The following NAV2 variants were observed in gnomAD, a reference collection of about 807,000 sequenced individuals.
NAV2 encodes helicase, APC down-regulated 1.
NAV2 carries 54 observed loss-of-function variants against 223.2 expected under a neutral mutation model. The ratio of observed to expected loss-of-function variants is 0.24; its 90% CI spans 0.19 to 0.30. NAV2 has a LOEUF of 0.30. NAV2 is among the 10% of genes least tolerant of loss of function. NAV2 has a pLI of 1.00. For missense variants in NAV2, 2,806 were observed against 3,147.5 expected (o/e 0.89, Z 2.60); for synonymous variants, 1,279 against 1,239.3 (o/e 1.03, Z -0.67).
chr11:19,474,309 T>C (rs2042053197), intron 1 of NAV2, among the ~76,000 whole-genome samples: 1 of 152,166 alleles, frequency 6.6e-6, no homozygotes, highest in South Asian at 2.1e-4. Flanking sequence ...AAATGAACCA[T>C]AGTGAGGCTG....
intron 1 of NAV2, among the ~76,000 whole-genome samples, chr11:19,667,411 A>G (rs1370033454): frequency 6.6e-6 from 1 of 152,134 alleles, no homozygotes; most frequent in African/African-American, 2.4e-5. Context: ...AAGGTTGGCA[A>G]TTTCTTCAGT....
chr11:20,015,877 T>C (rs1591668792), intron 11 of NAV2, among the ~76,000 whole-genome samples: 2 of 152,200 alleles, frequency 1.3e-5, no homozygotes, highest in East Asian at 3.8e-4. Context: ...CCTGGCCCAC[T>C]AAGTGTCTTA....
intron 11 of NAV2, 125 bp from the exon 12 acceptor site, chr11:20,035,834 C>T (rs1191048953): frequency 5.4e-6 from 6 of 1,101,806 alleles, no homozygotes; most frequent in Non-Finnish European, 6.5e-6. Context: ...GTCAAGAGAG[C>T]TTTGTCCGGG....
At chr11:20,022,942 G>T in intron 11 of NAV2, 2 of 1,331,788 alleles carry the variant, frequency 1.5e-6, no homozygotes, top group South Asian at 3.3e-5. Flanking sequence ...TCCTGGCCTG[G>T]GGAATGGTGA....
intron 1 of NAV2, among the ~76,000 whole-genome samples, chr11:19,670,710 G>A (rs906902043): frequency 2.6e-5 from 4 of 152,208 alleles, no homozygotes; most frequent in Admixed American, 6.5e-5. Flanking sequence ...GCTTTGAAGC[G>A]GCAGCTGGGT....
intron 1 of NAV2, among the ~76,000 whole-genome samples, chr11:19,816,968 CTCTCTGGATCTACT>C (rs1239951903): frequency 6.6e-6 from 1 of 152,086 alleles, no homozygotes; most frequent in Non-Finnish European, 1.5e-5. Context: ...ACCTGGAGCC[CTCTCTGGATCTACT>C]TCTCCCAGAT....
intron 1 of NAV2, among the ~76,000 whole-genome samples, chr11:19,645,094 G>C (rs543238475): frequency 6.6e-6 from 1 of 152,200 alleles, no homozygotes; most frequent in Admixed American, 6.5e-5. Context: ...AGTCCAGTAC[G>C]GGTTTCACCA....
chr11:19,861,383 A>G (rs1391220248), intron 3 of NAV2, among the ~76,000 whole-genome samples: 2 of 152,226 alleles, frequency 1.3e-5, no homozygotes, highest in African/African-American at 4.8e-5. Context: ...CTGTTTCACC[A>G]GGGGCCAACC....
intron 20 of NAV2, 77 bp from the exon 21 acceptor site, chr11:20,068,109 A>G (rs374713809): frequency 1.5e-5 from 19 of 1,253,302 alleles, no homozygotes; most frequent in Non-Finnish European, 1.9e-5. Flanking sequence ...CCATCTGAAT[A>G]TGGTGTTCCC....
chr11:19,920,481 G>A (rs542630018), intron 6 of NAV2, among the ~76,000 whole-genome samples: 3 of 151,988 alleles, frequency 2.0e-5, no homozygotes, highest in Non-Finnish European at 2.9e-5. Context: ...TCAGGACGGG[G>A]TTTCACCATG....
At position 20,082,523 on chromosome 11, in the gene NAV2, G is replaced by T. The variant is rs2060154099; in HGVS notation, c.5326-484G>T. 9.8e-6 allele frequency: 15 copies of T among 1,525,868 alleles called. No homozygotes were observed. The Admixed American group carries it at 2.2e-4, about 22-fold the overall frequency. 94.5% of individuals were successfully genotyped at this position (1,525,868 alleles called of 1,614,324 possible). A position where few individuals can be genotyped will look rare whatever the true frequency, so the allele number is the denominator to read the frequency against. Reference sequence around the variant, plus strand: ...AAGTCCGAAGCTTTCCCTGTCACTGGCTTTCTCTGTTAAAAAATTGTCTTT... The same window carrying T: ...AAGTCCGAAGCTTTCCCTGTCACTGTCTTTCTCTGTTAAAAAATTGTCTTT... On this transcript the variant is annotated intron_variant, in intron 25 of 37. Coordinates refer to ENST00000349880, the MANE Select transcript of NAV2 (RefSeq NM_145117.5).
intron 10 of NAV2, among the ~76,000 whole-genome samples, chr11:19,955,173 G>A (rs1041411388): frequency 2.6e-5 from 4 of 152,084 alleles, no homozygotes; most frequent in Non-Finnish European, 5.9e-5. Context: ...TTGGGAGGCT[G>A]AGATGGGGGG....
chr11:19,472,657 C>A (rs774953015), intron 1 of NAV2, among the ~76,000 whole-genome samples: 5 of 152,092 alleles, frequency 3.3e-5, no homozygotes, highest in Non-Finnish European at 7.3e-5. Flanking sequence ...TACTTGTAAA[C>A]TCCTGGCCCC....
At chr11:19,708,114 A>T (rs2049727453), upstream of NAV2, among the ~76,000 whole-genome samples, 1 of 152,162 alleles carries the variant, frequency 6.6e-6, no homozygotes, top group African/African-American at 2.4e-5. Context: ...TTGCACACAG[A>T]CCCATCTGGA....
At chr11:19,354,807 G>A (rs964228269) in intron 1 of NAV2, among the ~76,000 whole-genome samples, 1 of 152,162 alleles carries the variant, frequency 6.6e-6, no homozygotes, top group African/African-American at 2.4e-5. Flanking sequence ...AGACCTTAGC[G>A]GCTGGCTGTG....
chr11:19,844,822 GTTT>G (rs1197938980), intron 3 of NAV2, among the ~76,000 whole-genome samples: 1 of 133,150 alleles, frequency 7.5e-6, no homozygotes, highest in Admixed American at 7.5e-5. Context: ...TGAACTGTGT[GTTT>G]TTTTTTTTTT....
At position 20,049,005 on chromosome 11, in the gene NAV2, G is replaced by A; in HGVS notation, c.4180G>A (p.Val1394Ile). The A allele has an allele frequency of 6.2e-7, 1 of 1,614,138 alleles. No individual in the cohort carries two copies. The highest frequency in any genetic ancestry group is 1.1e-5 in the South Asian group (1 of 91,078). ...CACCAACGCCAGCAGCTCCTCCGCAGTTAGCAAGGATGGCCTGGGCTTTCA... is the reference window on the plus strand; with the variant it reads ...CACCAACGCCAGCAGCTCCTCCGCAATTAGCAAGGATGGCCTGGGCTTTCA... ...WGTNASSSSA[V>I]SKDGLGFQSV... Residue 1394 changes from valine to isoleucine, a missense_variant, in exon 15 of 38, where the codon GTT becomes ATT. Coordinates refer to ENST00000349880, the MANE Select transcript of NAV2 (RefSeq NM_145117.5).
At position 20,045,156 on chromosome 11, in the gene NAV2, G is replaced by C. The variant is rs993622951; in HGVS notation, c.3388G>C (p.Ala1130Pro). The C allele has an allele frequency of 6.2e-7, 1 of 1,614,084 alleles. No individual in the cohort carries two copies. Among genetic ancestry groups the C allele is most frequent in the Non-Finnish European group, 8.5e-7 (1 of 1,179,986 alleles). ...GTTCAAGAAGCAGAGTGGTTCCGCCGCCGGCCTGGCCATGATCACAGCCAG... is the reference window on the plus strand; with the variant it reads ...GTTCAAGAAGCAGAGTGGTTCCGCCCCCGGCCTGGCCATGATCACAGCCAG... ...FGFKKQSGSA[A>P]GLAMITASGV... The change falls in exon 14 of 38, where the codon GCC becomes CCC. Residue 1130 changes from alanine (A) to proline (P), a missense_variant. By Grantham distance (27) the Ala-to-Pro change is conservative (BLOSUM62 -1). This residue lies in a region of NAV2 where 742 missense variants were observed against 777.9 expected (regional missense o/e 0.95). Coordinates refer to ENST00000349880, the MANE Select transcript of NAV2 (RefSeq NM_145117.5).
chr11:19,914,670 G>A (rs972576183), intron 6 of NAV2, among the ~76,000 whole-genome samples: 1 of 151,176 alleles, frequency 6.6e-6, no homozygotes, highest in African/African-American at 2.4e-5. Flanking sequence ...TCAGCCTCCC[G>A]AGTAGCTGGG....
Sources: allele counts gnomAD v4.1 joint callset (sites outside exome capture counted in the v4.1 genomes callset), GRCh38; gene constraint gnomAD v4.1.1; regional missense constraint gnomAD v4.1.1; transcripts MANE v1.5; gene names NCBI Gene and HGNC (gene_info 2026-07-23, HGNC 2026-07-21).